U2SURP: variants seen among roughly 807,000 people sequenced by gnomAD.
U2SURP encodes the protein U2 snRNP-associated SURP motif-containing protein.
In U2SURP, 9 loss-of-function variants were observed where a neutral mutation model predicts 144.9. That is an observed-to-expected ratio of 0.06 (90% CI 0.04 to 0.11). The LOEUF (loss-of-function observed/expected upper bound fraction) is 0.11. Among genes scored for constraint, U2SURP ranks in the 10% least tolerant of loss-of-function variants. U2SURP has a pLI of 1.00. For missense variants in U2SURP, 724 were observed against 1,226.7 expected (o/e 0.59, Z 6.12); for synonymous variants, 408 against 396.8 (o/e 1.03, Z -0.33).
chr3:143,040,329 T>G (rs73867474), intron 23 of U2SURP, among the ~76,000 whole-genome samples: 79 of 151,948 alleles, frequency 5.2e-4, no homozygotes, highest in African/African-American at 1.8e-3. Flanking sequence ...TAATTTTAGA[T>G]TTTTCATTTT....
chr3:143,044,201 A>C (rs954686985), intron 24 of U2SURP, among the ~76,000 whole-genome samples: 2 of 151,890 alleles, frequency 1.3e-5, no homozygotes, highest in African/African-American at 2.4e-5. Context: ...GTGGGTCTTA[A>C]TACTAAAAGA....
At chr3:143,037,861 C>T (rs1933895367) in intron 21 of U2SURP, among the ~76,000 whole-genome samples, 1 of 152,104 alleles carries the variant, frequency 6.6e-6, no homozygotes, top group Non-Finnish European at 1.5e-5. Flanking sequence ...TGTTTTACTT[C>T]TCAACTTCTT....
intron 20 of U2SURP, 50 bp from the exon 21 acceptor site, chr3:143,037,129 G>A: frequency 6.4e-7 from 1 of 1,563,548 alleles, no homozygotes. Context: ...TACAAGCAAT[G>A]TGACTTCAGC....
chr3:143,025,487 T>C (rs1247871115), intron 13 of U2SURP, among the ~76,000 whole-genome samples: 1 of 152,124 alleles, frequency 6.6e-6, no homozygotes, highest in Non-Finnish European at 1.5e-5. Flanking sequence ...ACCTAGTAAT[T>C]AGTCTTATAC....
At chr3:143,020,067 A>G in intron 7 of U2SURP, 31 bp downstream of exon 7, 2 of 1,369,360 alleles carry the variant, frequency 1.5e-6, no homozygotes, top group African/African-American at 1.5e-5. Flanking sequence ...AATAACTATC[A>G]TAGGTGTATT....
Position 143,047,894 on chromosome 3 carries a change from C to T in U2SURP, c.2545-3045C>T, listed in dbSNP as rs1204400850. 5.3e-5 allele frequency among the ~76,000 whole-genome samples: 8 copies of T among 150,614 alleles called. No homozygotes were observed. The East Asian group carries it at 1.6e-3, about 30-fold the overall frequency. The stretch of plus-strand genomic sequence containing the variant: ...GGGCGGGGGGCTGACCCCCCCCAAC[C>T]TCCCTCCCGGACGGGGTCAGAAGCC... On this transcript the variant is annotated intron_variant, in intron 24 of 27. Transcript: ENST00000473835.
chr3:143,045,018 T>A (rs1014532687), intron 24 of U2SURP, among the ~76,000 whole-genome samples: 2 of 152,146 alleles, frequency 1.3e-5, no homozygotes, highest in Non-Finnish European at 1.5e-5. Context: ...GTGAACACAC[T>A]CACCTGTGCA....
At chr3:143,021,977 G>A (rs370925139) in intron 10 of U2SURP, among the ~76,000 whole-genome samples, 2 of 151,944 alleles carry the variant, frequency 1.3e-5, no homozygotes, top group East Asian at 1.9e-4. Context: ...ATGTAGTAAC[G>A]GTAGTATATA....
intron 24 of U2SURP, among the ~76,000 whole-genome samples, chr3:143,045,684 T>C (rs974941422): frequency 5.2e-5 from 8 of 152,382 alleles, no homozygotes; most frequent in South Asian, 2.1e-4. Flanking sequence ...ATGTGCTCTT[T>C]TGTAATCTGG....
intron 2 of U2SURP, 108 bp downstream of exon 2, chr3:143,010,967 G>A: frequency 3.9e-6 from 3 of 775,812 alleles, no homozygotes; most frequent in Middle Eastern, 4.1e-4. Context: ...AATTGTATGT[G>A]CTTTTTTCTT....
chr3:143,028,136 G>C (rs76029223), intron 14 of U2SURP, among the ~76,000 whole-genome samples: 1 of 152,140 alleles, frequency 6.6e-6, no homozygotes, highest in African/African-American at 2.4e-5. Context: ...GAGTATTAAT[G>C]TCAGTCACTA....
chr3:143,043,438 G>A (rs148855090), intron 24 of U2SURP, among the ~76,000 whole-genome samples, 162 bp downstream of exon 24: 8 of 151,990 alleles, frequency 5.3e-5, no homozygotes, highest in African/African-American at 1.9e-4. Context: ...TAGTTCAACC[G>A]TCTGTTCACT....
chr3:143,038,539 A>G (rs1000256394), intron 22 of U2SURP, among the ~76,000 whole-genome samples: 13 of 152,066 alleles, frequency 8.5e-5, no homozygotes, highest in African/African-American at 2.2e-4. Flanking sequence ...TGACCCTCCC[A>G]TAATGCTAGA....
At chr3:143,028,943 C>A (rs1011150238) in intron 16 of U2SURP, among the ~76,000 whole-genome samples, 40 of 152,094 alleles carry the variant, frequency 2.6e-4, no homozygotes, top group African/African-American at 9.4e-4. Flanking sequence ...ATTGGAGGAT[C>A]CCTAGAATTC....
intron 13 of U2SURP, chr3:143,026,470 A>G (rs899488934): frequency 6.6e-6 from 1 of 152,140 alleles, no homozygotes; most frequent in African/African-American, 2.4e-5. Flanking sequence ...TTTGGAGGGA[A>G]AAAAGATATA....
Position 143,012,315 on chromosome 3 carries a change from G to A in U2SURP, c.184G>A (p.Glu62Lys). Residue 62 changes from glutamate to lysine, a missense_variant, in exon 3 of 28, where the codon GAA becomes AAA. By Grantham distance (56) the Glu-to-Lys change is moderately conservative. Around this residue, in one of 13 missense-constraint regions of U2SURP, gnomAD observed 127 missense variants for 98.2 expected, o/e 1.29. Transcript: ENST00000473835. ...TAATTATAGGAATGAAAGTGCCCGTGAAAGCCTTTGTGATTCTCCTCATCA... is the reference window on the plus strand; with the variant it reads ...TAATTATAGGAATGAAAGTGCCCGTAAAAGCCTTTGTGATTCTCCTCATCA... The part of the protein sequence containing the change: ...KHNYRNESAR[E>K]SLCDSPHQNL... 6.2e-7 allele frequency: 1 copy of A among 1,612,752 alleles called. No individual in the cohort carries two copies. Among genetic ancestry groups the A allele is most frequent in the Non-Finnish European group, 8.5e-7 (1 of 1,179,176 alleles).
At chr3:143,042,926 AGT>A (rs1429619942) in intron 23 of U2SURP, among the ~76,000 whole-genome samples, 189 bp from the exon 24 acceptor site, 1 of 152,190 alleles carries the variant, frequency 6.6e-6, no homozygotes, top group Non-Finnish European at 1.5e-5. Flanking sequence ...GGAGGAAAGA[AGT>A]GTTTTATAAA....
chr3:143,048,369 A>G (rs1934656006), intron 24 of U2SURP, among the ~76,000 whole-genome samples: 1 of 151,886 alleles, frequency 6.6e-6, no homozygotes, highest in Admixed American at 6.6e-5. Context: ...CTGTTGTTTG[A>G]CTCTTTCTAA....
chr3:143,024,349 A>C, intron 13 of U2SURP: 1 of 371,424 alleles, frequency 2.7e-6, no homozygotes, highest in Non-Finnish European at 5.1e-6. Context: ...ATTTCAGATA[A>C]CGTTACAGTT....
Sources: allele counts gnomAD v4.1 joint callset (sites outside exome capture counted in the v4.1 genomes callset), GRCh38; gene constraint gnomAD v4.1.1; regional missense constraint gnomAD v4.1.1; transcripts MANE v1.5; gene names NCBI Gene and HGNC (gene_info 2026-07-23, HGNC 2026-07-21).